The following ERC1 variants were observed in gnomAD, a reference collection of about 807,000 sequenced individuals.
ERC1 encodes the protein ELKS/RAB6-interacting/CAST family member 1, also known as RAB6 interacting protein 2.
ERC1 carries 56 observed loss-of-function variants against 132.0 expected under a neutral mutation model. The observed-to-expected ratio is 0.42, with a 90% confidence interval of 0.34 to 0.53. ERC1 has a LOEUF of 0.53. Ranked by LOEUF, ERC1 falls within the 20% of genes least tolerant of loss-of-function variation. The pLI, the probability that ERC1 is intolerant of heterozygous loss-of-function variation, is 0.03. For missense variants in ERC1, 1,202 were observed against 1,349.9 expected (o/e 0.89, Z 1.72); for synonymous variants, 478 against 476.1 (o/e 1.00, Z -0.05).
At chr12:1,129,691 A>G (rs1396988157) in intron 7 of ERC1, among the ~76,000 whole-genome samples, 1 of 152,222 alleles carries the variant, frequency 6.6e-6, no homozygotes, top group Non-Finnish European at 1.5e-5. Context: ...TTCTGTACCA[A>G]GCTGAACTCT....
At chr12:1,063,021 T>G (rs550656453) in intron 2 of ERC1, among the ~76,000 whole-genome samples, 62 of 152,212 alleles carry the variant, frequency 4.1e-4, no homozygotes, top group Non-Finnish European at 7.1e-4. Context: ...TACTCCTTCA[T>G]GCGTCTGGTT....
rs571986429 is a variant in ERC1 at position 1,440,789 on chromosome 12, C to CA, written c.3025-3772dup. On this transcript the variant is annotated intron_variant, in intron 17 of 18. Transcript: ENST00000360905. ...TCAGCCTACTGAGTAGCTGAGACTA[C>CA]AGGTGCGCACCACACCCAGCTACTT... Among the ~76,000 whole-genome samples the CA allele has an allele frequency of 7.3e-4, 110 of 151,612 alleles. 1 individual carries two copies. In the South Asian group the frequency reaches 1.0e-2, roughly 14 times the overall value.
intron 12 of ERC1, among the ~76,000 whole-genome samples, chr12:1,227,257 A>G (rs11832546): frequency 0.03 from 4,638 of 152,290 alleles, 91 homozygotes; most frequent in South Asian, 0.058. Flanking sequence ...ACAGTGTACC[A>G]GGATTCTCTT....
At chr12:1,017,196 C>T (rs1965659234) in intron 1 of ERC1, among the ~76,000 whole-genome samples, 1 of 151,932 alleles carries the variant, frequency 6.6e-6, no homozygotes, top group African/African-American at 2.4e-5. Context: ...GGGGTTTCAC[C>T]ATGCTGGTCA....
At chr12:1,343,470 C>T (rs536192605) in intron 15 of ERC1, among the ~76,000 whole-genome samples, 1 of 152,254 alleles carries the variant, frequency 6.6e-6, no homozygotes, top group Middle Eastern at 3.4e-3. Context: ...TGAGCTGCAC[C>T]AGGAATATCG....
chr12:1,341,179 C>T (rs568214916), intron 15 of ERC1, among the ~76,000 whole-genome samples: 27 of 132,734 alleles, frequency 2.0e-4, no homozygotes, highest in Middle Eastern at 8.3e-3. Flanking sequence ...CTGCAGCCTC[C>T]GACTCCTGGG....
At chr12:1,465,170 C>T (rs899630576) in intron 18 of ERC1, among the ~76,000 whole-genome samples, 1 of 152,088 alleles carries the variant, frequency 6.6e-6, no homozygotes, top group African/African-American at 2.4e-5. Flanking sequence ...AGAGATGATG[C>T]TCCCCCAACT....
chr12:1,098,779 C>A (rs767914334), intron 3 of ERC1, among the ~76,000 whole-genome samples: 2 of 152,208 alleles, frequency 1.3e-5, no homozygotes, highest in African/African-American at 2.4e-5. Context: ...CCTAGAAATT[C>A]ATCAGCATTT....
chr12:1,012,741 A>G lies in ERC1; in HGVS notation c.-156-15007A>G, dbSNP rs59474831. Reference sequence around the variant, plus strand: ...AGTGTTGGGATTACAGGCGTGAGCCACTGCTCCCGGCTGATATTTAATCTT... The same window carrying G: ...AGTGTTGGGATTACAGGCGTGAGCCGCTGCTCCCGGCTGATATTTAATCTT... On this transcript the variant is annotated intron_variant, in intron 1 of 18. Transcript: ENST00000360905. Among the ~76,000 whole-genome samples the G allele has an allele frequency of 6.9e-3, 1,050 of 152,304 alleles. 14 individuals carry two copies. Among genetic ancestry groups the G allele is most frequent in the African/African-American group, 0.024 (1,008 of 41,558 alleles).
At chr12:1,107,090 G>A (rs139029863) in intron 4 of ERC1, among the ~76,000 whole-genome samples, 341 of 152,196 alleles carry the variant, frequency 2.2e-3, no homozygotes, top group African/African-American at 6.3e-3. Context: ...CTCCTCTTTC[G>A]CCTCTTCTTC....
intron 4 of ERC1, among the ~76,000 whole-genome samples, chr12:1,107,601 G>A (rs994814334): frequency 7.2e-5 from 11 of 152,164 alleles, no homozygotes; most frequent in African/African-American, 2.4e-4. Flanking sequence ...AATTAAGGGC[G>A]TCAAAGAATT....
chr12:1,193,003 G>A (rs562651811), intron 12 of ERC1, among the ~76,000 whole-genome samples: 7 of 152,262 alleles, frequency 4.6e-5, no homozygotes, highest in Admixed American at 1.3e-4. Flanking sequence ...AATTTCTTAA[G>A]GGTGTTCAGC....
At chr12:1,183,076 T>C (rs1015254701) in intron 10 of ERC1, among the ~76,000 whole-genome samples, 4 of 152,232 alleles carry the variant, frequency 2.6e-5, no homozygotes, top group Non-Finnish European at 2.9e-5. Context: ...GTTCAATGGG[T>C]ATTTCTTGAG....
At chr12:1,257,787 A>C (rs985346900) in intron 13 of ERC1, among the ~76,000 whole-genome samples, 23 of 152,192 alleles carry the variant, frequency 1.5e-4, no homozygotes, top group African/African-American at 5.5e-4. Context: ...CCACACGTAT[A>C]ATTTTGAATT....
chr12:1,057,390 C>T lies in ERC1; in HGVS notation c.670-25774C>T, dbSNP rs887676522. Among the ~76,000 whole-genome samples, 24 of 152,170 alleles carry T rather than the reference C, an allele frequency of 1.6e-4. 1 individual carries two copies. In the South Asian group the frequency reaches 1.9e-3, roughly 12 times the overall value. ...CCATCTTCCTTGGCCTCCTGGAAAG[C>T]GCTGGGCTTACAGGCATGAGCCACT... On this transcript the variant is annotated intron_variant, in intron 2 of 18. Transcript: ENST00000360905.
chr12:1,274,055 G>C (rs1039940371), intron 14 of ERC1, among the ~76,000 whole-genome samples: 5 of 152,152 alleles, frequency 3.3e-5, no homozygotes, highest in African/African-American at 1.2e-4. Flanking sequence ...TTCCACATTC[G>C]TGTGGTAGCA....
intron 13 of ERC1, chr12:1,244,519 T>C (rs981212930): frequency 6.6e-6 from 3 of 452,048 alleles, no homozygotes; most frequent in African/African-American, 6.0e-5. Flanking sequence ...TGTTTGTTTG[T>C]TTGTTTGTTT....
rs78893476 is a variant in ERC1, at chr12:1,130,883, T to A, written c.1570-10737T>A. Among the ~76,000 whole-genome samples, 168 of 152,296 alleles carry A rather than the reference T, an allele frequency of 1.1e-3. 1 individual carries two copies. The highest frequency in any genetic ancestry group is 1.8e-3 in the Non-Finnish European group (125 of 68,032). On this transcript the variant is annotated intron_variant, in intron 7 of 18. Transcript: ENST00000360905. ...AACAATGGGAAATGCAGTCATAGGA[T>A]ATATCATTTAGAGTGGACTTGAGCA...
chr12:1,454,646 C>T (rs537602073), intron 18 of ERC1, among the ~76,000 whole-genome samples: 1 of 152,300 alleles, frequency 6.6e-6, no homozygotes, highest in East Asian at 1.9e-4. Flanking sequence ...TTTCCTGCCT[C>T]TAATAATAAT....
Sources: allele counts gnomAD v4.1 joint callset (sites outside exome capture counted in the v4.1 genomes callset), GRCh38; gene constraint gnomAD v4.1.1; transcripts MANE v1.5; gene names NCBI Gene and HGNC (gene_info 2026-07-23, HGNC 2026-07-21).